Variants in OPCML observed in about 807,000 individuals in gnomAD.
The protein encoded by OPCML is opioid binding protein/cell adhesion molecule like.
Under a neutral mutation model 37.8 loss-of-function variants are expected in OPCML, and 13 were observed. The ratio of observed to expected loss-of-function variants is 0.34; its 90% CI spans 0.22 to 0.55. OPCML has a LOEUF of 0.55. OPCML is among the 20% of genes least tolerant of loss of function. OPCML has a pLI of 0.91. For synonymous variants in OPCML, 176 were observed against 168.8 expected, an observed-to-expected ratio of 1.04 and a Z score of -0.33; for missense variants, 341 against 435.6, an observed-to-expected ratio of 0.78 and a Z score of 1.93.
intron 2 of OPCML, among the ~76,000 whole-genome samples, chr11:132,744,981 T>C (rs1236478908): frequency 6.6e-6 from 1 of 151,916 alleles, no homozygotes; most frequent in Admixed American, 6.5e-5. Context: ...ATTCGGGATA[T>C]AGCAGAGCAG....
At chr11:132,678,129 G>A (rs1474005480) in intron 2 of OPCML, among the ~76,000 whole-genome samples, 1 of 152,160 alleles carries the variant, frequency 6.6e-6, no homozygotes, top group East Asian at 1.9e-4. Context: ...CAGATGGCAA[G>A]TAAGCATCTG....
intron 2 of OPCML, among the ~76,000 whole-genome samples, chr11:132,708,115 G>T (rs994001992): frequency 3.3e-5 from 5 of 152,150 alleles, no homozygotes; most frequent in African/African-American, 1.2e-4. Flanking sequence ...TTTATAGTGT[G>T]CTTCTGCCGT....
chr11:133,034,369 G>A (rs1393611324), intron 1 of OPCML, among the ~76,000 whole-genome samples: 1 of 151,838 alleles, frequency 6.6e-6, no homozygotes, highest in Non-Finnish European at 1.5e-5. Flanking sequence ...GAGAGACAGA[G>A]GGAATGCATG....
chr11:132,910,709 T>A (rs1944400232), intron 2 of OPCML, among the ~76,000 whole-genome samples: 1 of 152,234 alleles, frequency 6.6e-6, no homozygotes, highest in South Asian at 2.1e-4. Flanking sequence ...ATGCTAGCTT[T>A]AAATATAAAT....
chr11:132,848,593 A>G (rs1051257092), intron 2 of OPCML, among the ~76,000 whole-genome samples: 8 of 152,264 alleles, frequency 5.3e-5, no homozygotes, highest in Non-Finnish European at 7.3e-5. Context: ...TGTTAAAGCT[A>G]GAAAGGAAGA....
chr11:132,570,780 T>G (rs1439736522), intron 3 of OPCML, among the ~76,000 whole-genome samples: 8 of 108,626 alleles, frequency 7.4e-5, no homozygotes, highest in Non-Finnish European at 9.6e-5. Flanking sequence ...TATATATATA[T>G]ATATATATAT....
At chr11:133,012,790 A>G (rs556221781) in intron 1 of OPCML, among the ~76,000 whole-genome samples, 39 of 149,884 alleles carry the variant, frequency 2.6e-4, no homozygotes, top group African/African-American at 8.1e-4. Context: ...CAGGAGAATC[A>G]CTTGAACCAG....
intron 1 of OPCML, among the ~76,000 whole-genome samples, chr11:133,230,659 G>T (rs1362640951): frequency 6.6e-6 from 1 of 152,144 alleles, no homozygotes; most frequent in South Asian, 2.1e-4. Flanking sequence ...GCAATAAAAG[G>T]CATCATAAAA....
intron 2 of OPCML, among the ~76,000 whole-genome samples, chr11:132,822,523 T>C (rs114214874): frequency 0.022 from 3,368 of 151,924 alleles, 112 homozygotes; most frequent in African/African-American, 0.075. Flanking sequence ...TGTGTGTGTG[T>C]GCGCGCACAC....
chr11:133,261,640 C>T (rs372775156), intron 1 of OPCML, among the ~76,000 whole-genome samples: 5 of 152,160 alleles, frequency 3.3e-5, no homozygotes, highest in Non-Finnish European at 5.9e-5. Context: ...CATTTTTGTT[C>T]GCTGTCATAT....
chr11:133,449,134 C>T (rs1260471230), intron 1 of OPCML, among the ~76,000 whole-genome samples: 1 of 152,200 alleles, frequency 6.6e-6, no homozygotes, highest in Admixed American at 6.5e-5. Flanking sequence ...GCTAAAAGAA[C>T]TTCCCTTTGT....
intron 2 of OPCML, among the ~76,000 whole-genome samples, chr11:132,754,406 T>G (rs1395894621): frequency 6.6e-6 from 1 of 152,188 alleles, no homozygotes; most frequent in Non-Finnish European, 1.5e-5. Context: ...AGAAGCTCTC[T>G]CTCTCTTTGC....
At chr11:133,311,074 C>T (rs374372845) in intron 1 of OPCML, among the ~76,000 whole-genome samples, 2 of 152,138 alleles carry the variant, frequency 1.3e-5, no homozygotes, top group Non-Finnish European at 2.9e-5. Context: ...TTATGTGTGT[C>T]ATTTAGTAGG....
intron 1 of OPCML, among the ~76,000 whole-genome samples, chr11:132,997,581 G>T (rs1381782143): frequency 2.6e-5 from 4 of 152,192 alleles, no homozygotes; most frequent in South Asian, 2.1e-4. Context: ...GGGCTCATGT[G>T]CTCCCTAGGC....
At chr11:132,807,247 C>A (rs185529188) in intron 2 of OPCML, among the ~76,000 whole-genome samples, 2 of 151,880 alleles carry the variant, frequency 1.3e-5, no homozygotes, top group Non-Finnish European at 2.9e-5. Flanking sequence ...TTTGGAAATA[C>A]GAATACAATT....
At chr11:132,460,046 G>T (rs1432628554) in intron 4 of OPCML, among the ~76,000 whole-genome samples, 6 of 152,132 alleles carry the variant, frequency 3.9e-5, no homozygotes, top group Non-Finnish European at 8.8e-5. Context: ...ACTTGAGCTG[G>T]CAACCAAACA....
intron 1 of OPCML, among the ~76,000 whole-genome samples, chr11:133,151,025 A>G (rs1182940429): frequency 1.3e-5 from 2 of 152,016 alleles, no homozygotes; most frequent in Non-Finnish European, 2.9e-5. Flanking sequence ...CTGTAATCCC[A>G]GCACTTTGGG....
At chr11:133,167,479 C>A (rs2137233102) in intron 1 of OPCML, among the ~76,000 whole-genome samples, 1 of 151,734 alleles carries the variant, frequency 6.6e-6, no homozygotes, top group South Asian at 2.1e-4. Context: ...TGGACCCTGT[C>A]AAAGGTTAGC....
Position 133,421,044 on chromosome 11 carries a change from T to C in OPCML, c.61+111220A>G, listed in dbSNP as rs943082436. The C allele has an allele frequency of 2.8e-5, 28 of 983,826 alleles. No individual in the cohort carries two copies. The Middle Eastern group carries it at 1.6e-3, about 55-fold the overall frequency. 60.9% of individuals were successfully genotyped at this position (983,826 alleles called of 1,614,324 possible). A position where few individuals can be genotyped will look rare whatever the true frequency, so the allele number is the denominator to read the frequency against. On this transcript the variant is annotated intron_variant, in intron 1 of 7. Transcript: ENST00000524381. Reference sequence around the variant, plus strand: ...AGAGAATCATGGGGTGTAGATTTTGTCCTGAGATCAATAATCAGTAGATTA... The same window carrying C: ...AGAGAATCATGGGGTGTAGATTTTGCCCTGAGATCAATAATCAGTAGATTA...
Sources: gnomAD v4.1 joint callset for allele counts (sites outside exome capture counted in the v4.1 genomes callset) on GRCh38, gnomAD v4.1.1 for gene constraint, MANE v1.5 for transcripts, NCBI Gene and HGNC (gene_info 2026-07-23, HGNC 2026-07-21) for gene names.